The following CFAP47 variants were observed in gnomAD, a reference collection of about 807,000 sequenced individuals.
CFAP47 encodes cilia- and flagella-associated protein 47.
A neutral mutation model predicts 148.1 loss-of-function variants in CFAP47; 29 were observed. The ratio of observed to expected loss-of-function variants is 0.20; its 90% CI spans 0.15 to 0.27. The LOEUF (loss-of-function observed/expected upper bound fraction) is 0.27. Among genes scored for constraint, CFAP47 ranks in the 10% least tolerant of loss-of-function variants. The probability of loss-of-function intolerance (pLI) is 1.00; values close to 1 mark genes in which losing one functional copy is unlikely to be tolerated. For synonymous variants in CFAP47, 664 were observed against 577.3 expected (o/e 1.15, Z -2.15); for missense variants, 1,872 against 1,697.5 (o/e 1.10, Z -1.81).
chrX:36,287,407 A>G (rs1182545565), intron 51 of CFAP47, among the ~76,000 whole-genome samples: 2 of 111,438 alleles, frequency 1.8e-5, no homozygotes, highest in Admixed American at 1.9e-4. Context: ...ACGCACATAT[A>G]TATTTCTAAT....
chrX:36,193,597 TATA>T (rs370155176), intron 42 of CFAP47, among the ~76,000 whole-genome samples: 13 of 111,309 alleles, frequency 1.2e-4, no homozygotes, highest in African/African-American at 4.3e-4. Context: ...CCATTTGGCC[TATA>T]ATTGCTTTGA....
chrX:36,110,793 GTT>G lies in CFAP47; in HGVS notation c.5320+6105_5320+6106del, dbSNP rs758508037. ...GTCATCTCTGATTTCTTTGAGCAGT[GTT>G]TTGTAATTCTCCTTGTAGAGATCTT... On this transcript the variant is annotated intron_variant, in intron 33 of 63. Transcript: ENST00000378653. Among the ~76,000 whole-genome samples, 158 of 111,707 alleles carry G rather than the reference GTT, an allele frequency of 1.4e-3. 1 individual carries two copies. Among genetic ancestry groups the G allele is most frequent in the African/African-American group, 5.0e-3 (154 of 30,782 alleles).
At chrX:36,296,239 C>T (rs1184744563) in intron 51 of CFAP47, among the ~76,000 whole-genome samples, 1 of 112,153 alleles carries the variant, frequency 8.9e-6, no homozygotes, top group Non-Finnish European at 1.9e-5. Flanking sequence ...TATTATGACA[C>T]TTTTGTACCA....
At chrX:36,299,174 A>G (rs1461067950) in intron 52 of CFAP47, 22 bp downstream of exon 52, 3 of 931,071 alleles carry the variant, frequency 3.2e-6, no homozygotes, top group Non-Finnish European at 4.2e-6. Flanking sequence ...GTGTGGCATT[A>G]TATTTCATTG....
At chrX:36,245,257 AT>A (rs1216447363) in intron 48 of CFAP47, among the ~76,000 whole-genome samples, 1 of 111,909 alleles carries the variant, frequency 8.9e-6, no homozygotes, top group Non-Finnish European at 1.9e-5. Flanking sequence ...AGCTGGAAGC[AT>A]TCACCTTGAG....
chrX:35,989,606 T>C lies in CFAP47; in HGVS notation c.2844+157T>C, dbSNP rs1229519784. 6 of 1,106,197 alleles carry C rather than the reference T, an allele frequency of 5.4e-6. No individual in the cohort carries two copies. In the African/African-American group the frequency reaches 9.3e-5, roughly 17 times the overall value. 91.2% of individuals were successfully genotyped at this position (1,106,197 alleles called of 1,213,427 possible). ...TTTTGTTAGAGCCTCTATAAATATG[T>C]AATATCATCATGGGAGCCATTGAAA... is the stretch of plus-strand genomic sequence containing the variant. On this transcript the variant is annotated intron_variant, in intron 16 of 63. Transcript: ENST00000378653.
chrX:36,164,596 G>GT (rs1358840978), intron 39 of CFAP47, among the ~76,000 whole-genome samples: 1 of 111,033 alleles, frequency 9.0e-6, no homozygotes, highest in Non-Finnish European at 1.9e-5. Context: ...AGATTTGGGG[G>GT]TTTTGTTTTG....
At chrX:36,036,746 A>C (rs917918525) in intron 24 of CFAP47, among the ~76,000 whole-genome samples, 22 of 112,053 alleles carry the variant, frequency 2.0e-4, no homozygotes, top group Admixed American at 2.8e-4. Flanking sequence ...TGGCTCAGTT[A>C]TCAGTAGAAG....
At chrX:36,364,630 C>T (rs1383994209) in intron 61 of CFAP47, among the ~76,000 whole-genome samples, 1 of 108,318 alleles carries the variant, frequency 9.2e-6, no homozygotes, top group African/African-American at 3.3e-5. Context: ...AGTCGTAAGA[C>T]AGGAAGTGTT....
At chrX:36,126,683 C>G (rs1383162156) in intron 33 of CFAP47, among the ~76,000 whole-genome samples, 1 of 112,202 alleles carries the variant, frequency 8.9e-6, no homozygotes, top group Admixed American at 9.4e-5. Flanking sequence ...CTGTCTTCCA[C>G]AATGGTTGAA....
chrX:36,336,510 C>A (rs995105439), intron 57 of CFAP47, among the ~76,000 whole-genome samples: 6 of 111,190 alleles, frequency 5.4e-5, no homozygotes, highest in African/African-American at 1.6e-4. Flanking sequence ...TGGCTAATGT[C>A]CACTAGCAAT....
At chrX:36,002,834 A>G in intron 21 of CFAP47, among the ~76,000 whole-genome samples, 2 of 111,766 alleles carry the variant, frequency 1.8e-5, no homozygotes, top group Middle Eastern at 9.8e-3. Flanking sequence ...AATTTTTGGT[A>G]ATGTTATTTT....
intron 30 of CFAP47, among the ~76,000 whole-genome samples, chrX:36,094,906 C>T (rs1213587742): frequency 3.6e-5 from 4 of 110,767 alleles, no homozygotes; most frequent in African/African-American, 1.3e-4. Flanking sequence ...ACTTCCTGTA[C>T]TGTGTTCAAT....
chrX:36,267,962 A>G (rs1279653167), intron 49 of CFAP47, among the ~76,000 whole-genome samples: 1 of 112,836 alleles, frequency 8.9e-6, no homozygotes, highest in East Asian at 2.8e-4. Context: ...CTATTACCCT[A>G]GAGGGTTTGT....
intron 42 of CFAP47, among the ~76,000 whole-genome samples, chrX:36,194,998 T>G (rs1939904917): frequency 8.9e-6 from 1 of 112,622 alleles, no homozygotes. Flanking sequence ...ACTGAACATA[T>G]GACACAGTCA....
Position 36,128,868 on chromosome X carries a change from A to T in CFAP47, c.5321-9090A>T, listed in dbSNP as rs190501921. Among the ~76,000 whole-genome samples, 95 of 110,709 alleles carry T rather than the reference A, an allele frequency of 8.6e-4. 1 individual carries two copies. In the East Asian group the frequency reaches 0.026, roughly 31 times the overall value. ...TTTTATTTAACTTACCAGAAAGAATATTTACTGTTATTTTAGTTGATTGCT... is the reference window on the plus strand; with the variant it reads ...TTTTATTTAACTTACCAGAAAGAATTTTTACTGTTATTTTAGTTGATTGCT... On this transcript the variant is annotated intron_variant, in intron 33 of 63. Coordinates refer to ENST00000378653, the MANE Select transcript of CFAP47 (RefSeq NM_001304548.2).
At chrX:36,081,946 C>T (rs1937990652) in intron 29 of CFAP47, among the ~76,000 whole-genome samples, 1 of 111,373 alleles carries the variant, frequency 9.0e-6, no homozygotes, top group South Asian at 3.8e-4. Flanking sequence ...CCCACTCTGA[C>T]CACTGCTATT....
intron 59 of CFAP47, 101 bp from the exon 60 acceptor site, chrX:36,353,428 A>G (rs1941759359): frequency 1.4e-6 from 1 of 736,791 alleles, no homozygotes; most frequent in Non-Finnish European, 2.0e-6. Context: ...AAAGTATATC[A>G]AAGGAAGTTT....
At chrX:36,230,549 AT>A (rs1940336141) in intron 46 of CFAP47, among the ~76,000 whole-genome samples, 1 of 100,903 alleles carries the variant, frequency 9.9e-6, no homozygotes. Context: ...ATTTTCTCCC[AT>A]TTTGTAGGTT....
Sources: allele counts gnomAD v4.1 joint callset (sites outside exome capture counted in the v4.1 genomes callset), GRCh38; gene constraint gnomAD v4.1.1; transcripts MANE v1.5; gene names NCBI Gene and HGNC (gene_info 2026-07-23, HGNC 2026-07-21).